Variants in ZPBP observed in about 807,000 individuals in gnomAD.
The protein encoded by ZPBP is zona pellucida binding protein, also known as zona pellucida-binding protein 1.
In ZPBP, 26 loss-of-function variants were observed where a neutral mutation model predicts 44.8. The observed-to-expected ratio is 0.58, with a 90% CI of 0.43 to 0.81. The LOEUF is 0.81. ZPBP is among the 30% of genes least tolerant of loss of function. The pLI, the probability that ZPBP is intolerant of heterozygous loss-of-function variation, is 0.00. For synonymous variants in ZPBP, 174 were observed against 153.2 expected (o/e 1.14, Z -1.00); for missense variants, 409 against 434.0 (o/e 0.94, Z 0.51).
chr7:49,850,279 T>C (rs1377415614), downstream of ZPBP: 2 of 152,280 alleles, frequency 1.3e-5, no homozygotes, highest in African/African-American at 4.8e-5. Flanking sequence ...AATTACATCA[T>C]CACCTAGGAA....
chr7:50,003,654 G>A (rs150957207), intron 6 of ZPBP, among the ~76,000 whole-genome samples: 1 of 152,276 alleles, frequency 6.6e-6, no homozygotes, highest in East Asian at 1.9e-4. Flanking sequence ...AGGTGATGTG[G>A]TGTGCTGGAA....
intron 6 of ZPBP, among the ~76,000 whole-genome samples, chr7:49,997,356 T>C (rs1797892896): frequency 6.6e-6 from 1 of 152,246 alleles, no homozygotes; most frequent in South Asian, 2.1e-4. Flanking sequence ...CCCATATCAG[T>C]AAATATGGCC....
chr7:50,058,241 G>T, intron 3 of ZPBP, 100 bp from the exon 4 acceptor site: 1 of 1,263,712 alleles, frequency 7.9e-7, no homozygotes, highest in Non-Finnish European at 1.1e-6. Flanking sequence ...TACCAACACA[G>T]TCAATGAAAG....
intron 7 of ZPBP, among the ~76,000 whole-genome samples, chr7:49,939,637 A>C (rs975376917): frequency 3.3e-5 from 5 of 152,140 alleles, no homozygotes; most frequent in Non-Finnish European, 5.9e-5. Context: ...AAAAAGGAAA[A>C]TGCACTAACC....
At chr7:49,943,914 A>G in intron 7 of ZPBP, 3 of 301,796 alleles carry the variant, frequency 9.9e-6, no homozygotes, top group Non-Finnish European at 1.3e-5. Flanking sequence ...TTTTCTAGAA[A>G]CTGGTCTAGC....
At chr7:49,949,109 T>C (rs1188547773) in intron 7 of ZPBP, among the ~76,000 whole-genome samples, 1 of 152,076 alleles carries the variant, frequency 6.6e-6, no homozygotes, top group African/African-American at 2.4e-5. Flanking sequence ...TCTCCATGAA[T>C]ATGCACCAAG....
intron 7 of ZPBP, among the ~76,000 whole-genome samples, chr7:49,965,920 A>G (rs887723775): frequency 1.3e-5 from 2 of 152,092 alleles, no homozygotes; most frequent in African/African-American, 4.8e-5. Flanking sequence ...ATGGAGTCAT[A>G]AACAACTGAG....
At chr7:49,933,289 T>C (rs959401245), downstream of ZPBP, among the ~76,000 whole-genome samples, 6 of 58,818 alleles carry the variant, frequency 1.0e-4, no homozygotes, top group Non-Finnish European at 2.2e-4. Context: ...TAAGTGATAT[T>C]TTCCCCTGAC....
chr7:49,987,439 T>C, intron 6 of ZPBP, among the ~76,000 whole-genome samples: 1 of 152,184 alleles, frequency 6.6e-6, no homozygotes, highest in East Asian at 1.9e-4. Flanking sequence ...CTGGGAATCC[T>C]TGGGAAAAAC....
intron 2 of ZPBP, among the ~76,000 whole-genome samples, chr7:49,860,160 G>A (rs1790593366): frequency 6.6e-6 from 1 of 152,038 alleles, no homozygotes; most frequent in African/African-American, 2.4e-5. Flanking sequence ...CAGTGGCATT[G>A]TACATTCACA....
chr7:49,983,089 T>C (rs769748326), intron 7 of ZPBP, among the ~76,000 whole-genome samples: 1 of 152,016 alleles, frequency 6.6e-6, no homozygotes, highest in Non-Finnish European at 1.5e-5. Context: ...ATAACTATTA[T>C]TTGTGTTTCC....
intron 6 of ZPBP, among the ~76,000 whole-genome samples, chr7:49,991,999 G>C (rs778580323): frequency 3.3e-5 from 5 of 152,098 alleles, no homozygotes; most frequent in Non-Finnish European, 7.4e-5. Context: ...CTAAAACTGA[G>C]GAGAAAACTA....
chr7:49,972,461 A>G (rs1366256728), intron 7 of ZPBP, among the ~76,000 whole-genome samples: 1 of 152,072 alleles, frequency 6.6e-6, no homozygotes, highest in Non-Finnish European at 1.5e-5. Context: ...AATCCAATGG[A>G]ATTTAAGAAA....
intron 4 of ZPBP, among the ~76,000 whole-genome samples, chr7:50,040,243 C>T (rs2128817139): frequency 6.6e-6 from 1 of 152,200 alleles, no homozygotes; most frequent in South Asian, 2.1e-4. Context: ...ACATGAGATG[C>T]ACTTTAAATT....
chr7:49,910,918 G>A (rs548749945), intron 1 of ZPBP, among the ~76,000 whole-genome samples: 3 of 152,270 alleles, frequency 2.0e-5, no homozygotes, highest in South Asian at 2.1e-4. Context: ...TCTGCAAACA[G>A]TGTTTTCAAC....
chr7:49,945,299 G>T (rs1601037), intron 7 of ZPBP, among the ~76,000 whole-genome samples: 4,672 of 151,876 alleles, frequency 0.031, 95 homozygotes, highest in Middle Eastern at 0.061. Flanking sequence ...ATGAGCTGAG[G>T]AGAAGAATGT....
At chr7:49,916,801 A>C (rs1232809751) in intron 1 of ZPBP, 1 of 152,196 alleles carries the variant, frequency 6.6e-6, no homozygotes, top group Non-Finnish European at 1.5e-5. Flanking sequence ...TCAACTTACA[A>C]GTATCAAATA....
intron 4 of ZPBP, among the ~76,000 whole-genome samples, chr7:50,034,183 G>GTT (rs532541672): frequency 7.0e-6 from 1 of 143,820 alleles, no homozygotes. Context: ...GTTTTTGAGG[G>GTT]TTTTTTTTTT....
chr7:50,041,886 G>A (rs2128818246), intron 4 of ZPBP, among the ~76,000 whole-genome samples: 1 of 152,216 alleles, frequency 6.6e-6, no homozygotes, highest in South Asian at 2.1e-4. Flanking sequence ...CTGAACTAAG[G>A]AGCATGTTGT....
Sources: allele counts gnomAD v4.1 joint callset (sites outside exome capture counted in the v4.1 genomes callset), GRCh38; gene constraint gnomAD v4.1.1; transcripts MANE v1.5; gene names NCBI Gene and HGNC (gene_info 2026-07-23, HGNC 2026-07-21).